The following TAFA1 variants were observed in gnomAD, a reference collection of about 807,000 sequenced individuals.
The protein encoded by TAFA1 is chemokine-like protein TAFA-1.
A neutral mutation model predicts 18.5 loss-of-function variants in TAFA1; 4 were observed. The observed-to-expected ratio is 0.22, with a 90% CI of 0.11 to 0.49. The LOEUF (loss-of-function observed/expected upper bound fraction) is 0.49. Ranked by LOEUF, TAFA1 falls within the 20% of genes least tolerant of loss-of-function variation. The pLI, the probability that TAFA1 is intolerant of heterozygous loss-of-function variation, is 0.98. For missense variants in TAFA1, 147 were observed against 169.0 expected (o/e 0.87, Z 0.72); for synonymous variants, 56 against 55.2 (o/e 1.01, Z -0.06).
chr3:68,182,341 A>G (rs953408557), intron 2 of TAFA1, among the ~76,000 whole-genome samples: 1 of 152,184 alleles, frequency 6.6e-6, no homozygotes, highest in Non-Finnish European at 1.5e-5. Context: ...TAAAAGCCCC[A>G]GTGTTGTACT....
At chr3:68,339,751 C>T (rs142320704) in intron 2 of TAFA1, among the ~76,000 whole-genome samples, 4 of 152,258 alleles carry the variant, frequency 2.6e-5, no homozygotes, top group African/African-American at 4.8e-5. Context: ...TTTTTCCCCA[C>T]CTCTTTGCAA....
At chr3:68,125,220 A>G (rs1343375845) in intron 2 of TAFA1, among the ~76,000 whole-genome samples, 1 of 152,152 alleles carries the variant, frequency 6.6e-6, no homozygotes, top group African/African-American at 2.4e-5. Flanking sequence ...TCTGTGCCTT[A>G]GTTGCCTTGT....
chr3:68,529,948 C>T (rs1464464978), intron 3 of TAFA1, among the ~76,000 whole-genome samples: 1 of 152,132 alleles, frequency 6.6e-6, no homozygotes, highest in Non-Finnish European at 1.5e-5. Context: ...ATTCCCCAAC[C>T]TGAGCCTGCT....
intron 2 of TAFA1, among the ~76,000 whole-genome samples, chr3:68,072,051 G>A (rs1477730214): frequency 1.3e-5 from 2 of 152,192 alleles, no homozygotes; most frequent in African/African-American, 4.8e-5. Flanking sequence ...TATGCATATA[G>A]TCACTGAAAT....
intron 2 of TAFA1, among the ~76,000 whole-genome samples, chr3:68,382,845 A>G (rs2070003797): frequency 6.6e-6 from 1 of 152,062 alleles, no homozygotes; most frequent in Non-Finnish European, 1.5e-5. Context: ...AAGAGTATGG[A>G]ATGTTTTCCA....
intron 3 of TAFA1, among the ~76,000 whole-genome samples, chr3:68,459,095 A>G (rs910982104): frequency 2.0e-5 from 3 of 152,084 alleles, no homozygotes; most frequent in Non-Finnish European, 4.4e-5. Flanking sequence ...CAGCCATTCT[A>G]TCCCCACATT....
intron 2 of TAFA1, among the ~76,000 whole-genome samples, chr3:68,305,848 A>G (rs968107240): frequency 9.9e-5 from 15 of 152,144 alleles, no homozygotes; most frequent in Non-Finnish European, 2.1e-4. Context: ...GTGGCACATT[A>G]TTTGGTGACT....
intron 2 of TAFA1, among the ~76,000 whole-genome samples, chr3:68,191,290 T>C (rs1378440723): frequency 1.3e-5 from 2 of 151,812 alleles, no homozygotes; most frequent in African/African-American, 4.8e-5. Flanking sequence ...GTTGAGTGTG[T>C]GCTCAGAGTA....
At chr3:68,315,673 G>T (rs910972830) in intron 2 of TAFA1, among the ~76,000 whole-genome samples, 3 of 152,178 alleles carry the variant, frequency 2.0e-5, no homozygotes, top group Non-Finnish European at 4.4e-5. Context: ...ACAGCTGTAA[G>T]CACACTATGC....
rs1215692960 is a variant in TAFA1, at chr3:68,409,355, C to G, written c.119-7925C>G. ...CCAAATCACATCTCGAATTGTAATCCCCACATGTCAAGAGAGGGACCTAGT... is the reference window on the plus strand; with the variant it reads ...CCAAATCACATCTCGAATTGTAATCGCCACATGTCAAGAGAGGGACCTAGT... On this transcript the variant is annotated intron_variant, in intron 2 of 4. Transcript: ENST00000478136. Among the ~76,000 whole-genome samples the G allele has an allele frequency of 6.6e-5, 10 of 152,134 alleles. No individual in the cohort carries two copies. The East Asian group carries it at 1.9e-3, about 29-fold the overall frequency.
At chr3:68,147,001 T>TTGTGTGTGTATATATATA in intron 2 of TAFA1, among the ~76,000 whole-genome samples, 1 of 150,566 alleles carries the variant, frequency 6.6e-6, no homozygotes, top group South Asian at 2.1e-4. Flanking sequence ...AAAATACCTC[T>TTGTGTGTGTATATATATA]TGTGTGTGTA....
intron 3 of TAFA1, among the ~76,000 whole-genome samples, chr3:68,525,707 A>C (rs1405839174): frequency 6.6e-6 from 1 of 152,198 alleles, no homozygotes; most frequent in Non-Finnish European, 1.5e-5. Flanking sequence ...AGAGTGCTCT[A>C]TGATTAAGGA....
intron 2 of TAFA1, among the ~76,000 whole-genome samples, chr3:68,298,064 G>A (rs2068241774): frequency 6.6e-6 from 1 of 152,142 alleles, no homozygotes; most frequent in South Asian, 2.1e-4. Flanking sequence ...ACTTGGAGAT[G>A]TTTTCCCTGT....
intron 3 of TAFA1, among the ~76,000 whole-genome samples, chr3:68,476,197 C>T (rs2072093966): frequency 6.6e-6 from 1 of 152,152 alleles, no homozygotes. Context: ...AGAGCTTCTG[C>T]ACAGCAAAAG....
chr3:68,502,942 C>T (rs746123240), intron 3 of TAFA1, among the ~76,000 whole-genome samples: 25 of 152,166 alleles, frequency 1.6e-4, no homozygotes, highest in African/African-American at 4.1e-4. Flanking sequence ...TGCCCACCAG[C>T]GGGGGAATAG....
rs147420230 is a variant in TAFA1 at position 68,279,762 on chromosome 3, G to A, written c.119-137518G>A. 5.3e-3 allele frequency among the ~76,000 whole-genome samples: 804 copies of A among 152,178 alleles called. 3 individuals carry two copies. The highest frequency in any genetic ancestry group is 9.1e-3 in the Non-Finnish European group (621 of 67,996). On this transcript the variant is annotated intron_variant, in intron 2 of 4. Transcript: ENST00000478136. Reference sequence around the variant, plus strand: ...AATATGGGCTTTGCTCTTGGGTGGCGTTCCCAGATACTAGCTAGGTTTGTA... The same window carrying A: ...AATATGGGCTTTGCTCTTGGGTGGCATTCCCAGATACTAGCTAGGTTTGTA...
intron 2 of TAFA1, among the ~76,000 whole-genome samples, chr3:68,051,446 G>A (rs1221889349): frequency 6.6e-6 from 1 of 152,114 alleles, no homozygotes; most frequent in African/African-American, 2.4e-5. Flanking sequence ...CCACCTAGGG[G>A]ATATTTGACA....
At chr3:68,098,987 C>G (rs2065118417) in intron 2 of TAFA1, among the ~76,000 whole-genome samples, 2 of 152,022 alleles carry the variant, frequency 1.3e-5, no homozygotes, top group East Asian at 3.9e-4. Flanking sequence ...CTACTTCTCA[C>G]CATATACAAA....
chr3:68,078,522 G>A (rs11720048), intron 2 of TAFA1, among the ~76,000 whole-genome samples: 4 of 152,104 alleles, frequency 2.6e-5, no homozygotes, highest in Non-Finnish European at 5.9e-5. Flanking sequence ...TAGCATGAAG[G>A]GTTGTTGAAT....
Sources: allele counts gnomAD v4.1 joint callset (sites outside exome capture counted in the v4.1 genomes callset), GRCh38; gene constraint gnomAD v4.1.1; transcripts MANE v1.5; gene names NCBI Gene and HGNC (gene_info 2026-07-23, HGNC 2026-07-21).